PRDM5: variants seen among roughly 807,000 people sequenced by gnomAD.
The protein encoded by PRDM5 is PR/SET domain 5.
Under a neutral mutation model 81.2 loss-of-function variants are expected in PRDM5, and 56 were observed. The observed-to-expected ratio is 0.69, with a 90% CI of 0.56 to 0.86. The LOEUF (loss-of-function observed/expected upper bound fraction) is 0.86, where lower values mean the gene tolerates loss of function less well. PRDM5 is among the 40% of genes least tolerant of loss of function. The pLI, the probability that PRDM5 is intolerant of heterozygous loss-of-function variation, is 0.00. For synonymous variants in PRDM5, 267 were observed against 256.4 expected (o/e 1.04, Z -0.39); for missense variants, 697 against 770.1 (o/e 0.91, Z 1.12).
intron 15 of PRDM5, among the ~76,000 whole-genome samples, chr4:120,699,929 A>C (rs1422712815): frequency 6.8e-6 from 1 of 147,164 alleles, no homozygotes; most frequent in Non-Finnish European, 1.5e-5. Context: ...ACTATTCTAA[A>C]ATTTATATAG....
chr4:120,745,019 G>A (rs1196911659), intron 14 of PRDM5, among the ~76,000 whole-genome samples: 1 of 149,450 alleles, frequency 6.7e-6, no homozygotes, highest in Non-Finnish European at 1.5e-5. Context: ...TAACACTGAT[G>A]CAAAAATCCT....
chr4:120,829,482 C>T (rs1464903300), intron 3 of PRDM5, among the ~76,000 whole-genome samples: 1 of 152,076 alleles, frequency 6.6e-6, no homozygotes, highest in Non-Finnish European at 1.5e-5. Flanking sequence ...TCCTAATGAA[C>T]TCATGCATCT....
At chr4:120,699,441 C>T (rs976644850) in intron 15 of PRDM5, among the ~76,000 whole-genome samples, 1 of 151,884 alleles carries the variant, frequency 6.6e-6, no homozygotes, top group Admixed American at 6.6e-5. Flanking sequence ...TAATTCTTAT[C>T]TCTGTTAGCC....
chr4:120,816,369 C>A (rs1209863492), intron 7 of PRDM5, 84 bp downstream of exon 7: 2 of 1,609,164 alleles, frequency 1.2e-6, no homozygotes, highest in East Asian at 2.2e-5. Context: ...CCAGCTCTCT[C>A]CTCAAGAGCG....
chr4:120,781,368 G>T, intron 11 of PRDM5, 65 bp from the exon 12 acceptor site: 2 of 1,435,860 alleles, frequency 1.4e-6, no homozygotes, highest in Non-Finnish European at 1.9e-6. Context: ...TCCCATGTAT[G>T]CCAGACTTAG....
At chr4:120,763,527 C>T (rs567671538) in intron 13 of PRDM5, among the ~76,000 whole-genome samples, 1 of 152,244 alleles carries the variant, frequency 6.6e-6, no homozygotes, top group African/African-American at 2.4e-5. Flanking sequence ...ACAATCCAGA[C>T]ACTGGCCAAG....
At chr4:120,721,128 C>T (rs1738537196) in intron 14 of PRDM5, among the ~76,000 whole-genome samples, 1 of 152,194 alleles carries the variant, frequency 6.6e-6, no homozygotes, top group South Asian at 2.1e-4. Context: ...TGGCATAAAG[C>T]ATGCAAAGAA....
chr4:120,787,733 T>C (rs1340308234), intron 10 of PRDM5, among the ~76,000 whole-genome samples: 1 of 152,136 alleles, frequency 6.6e-6, no homozygotes, highest in African/African-American at 2.4e-5. Flanking sequence ...CACTAACAGA[T>C]ATGCAGAAGA....
intron 7 of PRDM5, 146 bp downstream of exon 7, chr4:120,816,307 G>GA (rs1754479858): frequency 1.5e-6 from 2 of 1,319,572 alleles, no homozygotes; most frequent in African/African-American, 1.5e-5. Context: ...TTCAGTGAAA[G>GA]AAAAAAATCC....
At chr4:120,809,045 AGCAT>A (rs1177081188) in intron 8 of PRDM5, among the ~76,000 whole-genome samples, 1 of 152,248 alleles carries the variant, frequency 6.6e-6, no homozygotes, top group African/African-American at 2.4e-5. Context: ...AGGCTCCTCA[AGCAT>A]GGCCAGAGCG....
rs776656429 is a variant in PRDM5, at chr4:120,710,424, C to A, written c.1624-11G>T. Reference sequence around the variant, plus strand: ...CTTGTACGGCTTCTCCTGCAGTCAACAAAAAGAGACCACCAAAATTGCCAG... The same window carrying A: ...CTTGTACGGCTTCTCCTGCAGTCAAAAAAAAGAGACCACCAAAATTGCCAG... On this transcript the variant is annotated splice_polypyrimidine_tract_variant and intron_variant, in intron 14 of 15. Coordinates refer to ENST00000264808, the MANE Select transcript of PRDM5 (RefSeq NM_018699.4). The A allele has an allele frequency of 7.4e-6, 12 of 1,612,326 alleles. No individual in the cohort carries two copies. In the African/African-American group the frequency reaches 1.6e-4, roughly 22 times the overall value.
intron 3 of PRDM5, among the ~76,000 whole-genome samples, chr4:120,834,337 A>G (rs945751390): frequency 1.3e-5 from 2 of 152,110 alleles, no homozygotes; most frequent in African/African-American, 4.8e-5. Flanking sequence ...ATCCCTCATC[A>G]ATGGGATTAG....
chr4:120,741,424 C>A lies in PRDM5; in HGVS notation c.1623+13129G>T, dbSNP rs143443518. Among the ~76,000 whole-genome samples, 685 of 151,774 alleles carry A rather than the reference C, an allele frequency of 4.5e-3. 3 individuals are homozygous for A. Among genetic ancestry groups the A allele is most frequent in the Middle Eastern group, 0.02 (6 of 294 alleles). Reference sequence around the variant, plus strand: ...ATTTTTGGTTATCAGGGGGGAGGAGCCAAGATGGCCGAATAGGAACAGCTC... The same window carrying A: ...ATTTTTGGTTATCAGGGGGGAGGAGACAAGATGGCCGAATAGGAACAGCTC... On this transcript the variant is annotated intron_variant, in intron 14 of 15. Transcript: ENST00000264808.
chr4:120,694,953 TG>T lies in PRDM5; in HGVS notation c.*157del, dbSNP rs775063860. 8 of 775,912 alleles carry T rather than the reference TG, an allele frequency of 1.0e-5. No individual in the cohort carries two copies. The highest frequency in any genetic ancestry group is 1.7e-5 in the Non-Finnish European group (8 of 475,548). The allele number at this position is 775,912 out of a possible 1,614,324, so 48.1% of individuals were successfully genotyped here. On this transcript the variant is annotated 3_prime_UTR_variant, in exon 16 of 16. Coordinates refer to ENST00000264808, the MANE Select transcript of PRDM5 (RefSeq NM_018699.4). Reference sequence around the variant, plus strand: ...TCTTGTTAAAAGTAAGACTTTTTTTTGGTTGCATATGCATCTACAGACTCTA... The same window carrying T: ...TCTTGTTAAAAGTAAGACTTTTTTTTGTTGCATATGCATCTACAGACTCTA...
intron 14 of PRDM5, among the ~76,000 whole-genome samples, chr4:120,729,574 C>A (rs1263214371): frequency 1.3e-5 from 2 of 152,128 alleles, no homozygotes; most frequent in Non-Finnish European, 2.9e-5. Flanking sequence ...AAATAGCCAT[C>A]TTCAAGGATA....
At chr4:120,736,604 C>T (rs114704633) in intron 14 of PRDM5, among the ~76,000 whole-genome samples, 3 of 152,142 alleles carry the variant, frequency 2.0e-5, no homozygotes, top group East Asian at 1.9e-4. Flanking sequence ...GCATCCCAGA[C>T]GCCTCTTTTT....
intron 1 of PRDM5, among the ~76,000 whole-genome samples, chr4:120,915,060 T>C (rs1723963949): frequency 6.6e-6 from 1 of 152,106 alleles, no homozygotes; most frequent in African/African-American, 2.4e-5. Flanking sequence ...CATTACTCAG[T>C]GAGTGGTACA....
intron 8 of PRDM5, among the ~76,000 whole-genome samples, chr4:120,803,271 G>A (rs980930576): frequency 1.3e-5 from 2 of 152,108 alleles, no homozygotes; most frequent in African/African-American, 2.4e-5. Flanking sequence ...GGACCAAGAC[G>A]GAAAACACTC....
chr4:120,799,005 T>C (rs1273330920), intron 9 of PRDM5, among the ~76,000 whole-genome samples: 1 of 152,228 alleles, frequency 6.6e-6, no homozygotes, highest in Non-Finnish European at 1.5e-5. Flanking sequence ...TTCATATGTA[T>C]CAACAACTTG....
Sources: gnomAD v4.1 joint callset for allele counts (sites outside exome capture counted in the v4.1 genomes callset) on GRCh38, gnomAD v4.1.1 for gene constraint, MANE v1.5 for transcripts, NCBI Gene and HGNC (gene_info 2026-07-23, HGNC 2026-07-21) for gene names.